Variants in NXN observed in about 807,000 individuals in gnomAD.
The protein encoded by NXN is nucleoredoxin.
NXN carries 16 observed loss-of-function variants against 48.6 expected under a neutral mutation model. The observed-to-expected ratio is 0.33, with a 90% CI of 0.22 to 0.50. The LOEUF (loss-of-function observed/expected upper bound fraction) is 0.50, where lower values mean the gene tolerates loss of function less well. NXN is among the 20% of genes least tolerant of loss of function. The pLI is 0.98. For missense variants in NXN, 492 were observed against 605.5 expected (o/e 0.81, Z 1.97); for synonymous variants, 281 against 269.6 (o/e 1.04, Z -0.41).
At chr17:805,333 C>G in intron 5 of NXN, 86 bp from the exon 6 acceptor site, 1 of 1,416,952 alleles carries the variant, frequency 7.1e-7, no homozygotes, top group Non-Finnish European at 9.4e-7. Context: ...AGCCCGGGGT[C>G]CCCCCGACCG....
intron 1 of NXN, among the ~76,000 whole-genome samples, chr17:850,271 G>A (rs1031062837): frequency 6.6e-6 from 1 of 152,132 alleles, no homozygotes; most frequent in Non-Finnish European, 1.5e-5. Flanking sequence ...CTGGGGAGGA[G>A]ACACCTGCTC....
intron 1 of NXN, among the ~76,000 whole-genome samples, chr17:828,403 CT>C (rs745596555): frequency 3.9e-3 from 349 of 88,860 alleles, no homozygotes; most frequent in Admixed American, 6.1e-3. Context: ...CGTGCCTGGC[CT>C]TTTTTTTTTT....
Position 886,825 on chromosome 17 carries a change from T to C in NXN, c.361-60747A>G, listed in dbSNP as rs73293314. On this transcript the variant is annotated intron_variant, in intron 1 of 7. Coordinates refer to ENST00000336868, the MANE Select transcript of NXN (RefSeq NM_022463.5). ...TAATACCTCTTACTACACTGGATGG[T>C]TTGAATTCCAACCTAAAGCAAAAAG... Among the ~76,000 whole-genome samples the C allele has an allele frequency of 4.3e-3, 654 of 152,110 alleles. 11 individuals carry two copies. The highest frequency in any genetic ancestry group is 0.015 in the African/African-American group (631 of 41,522).
chr17:863,202 ACT>A (rs2068059126), intron 1 of NXN, among the ~76,000 whole-genome samples: 1 of 151,856 alleles, frequency 6.6e-6, no homozygotes, highest in African/African-American at 2.4e-5. Flanking sequence ...ACAGAGTCTC[ACT>A]CTGTCACCTG....
chr17:841,208 A>C (rs1438630011), intron 1 of NXN, among the ~76,000 whole-genome samples: 2 of 152,192 alleles, frequency 1.3e-5, no homozygotes, highest in Admixed American at 6.5e-5. Flanking sequence ...AATACTTCTC[A>C]TGTGGGCCCT....
intron 1 of NXN, among the ~76,000 whole-genome samples, chr17:889,690 A>G (rs2068388455): frequency 7.3e-6 from 1 of 137,556 alleles, no homozygotes; most frequent in Non-Finnish European, 1.5e-5. Context: ...AGAAAAGAAG[A>G]AAGAAAGAAA....
chr17:843,006 GAGAAAGAAAGAA>G (rs781376999), intron 1 of NXN, among the ~76,000 whole-genome samples: 6,084 of 95,528 alleles, frequency 0.064, 216 homozygotes, highest in Middle Eastern at 0.084. Flanking sequence ...GAGAGAAAGA[GAGAAAGAAAGAA>G]AGAAAGAAAG....
At chr17:840,137 A>C (rs1298458136) in intron 1 of NXN, among the ~76,000 whole-genome samples, 1 of 151,546 alleles carries the variant, frequency 6.6e-6, no homozygotes, top group African/African-American at 2.4e-5. Context: ...TACCATTTCT[A>C]CTGGACCATA....
intron 1 of NXN, among the ~76,000 whole-genome samples, chr17:866,113 A>T (rs1272078246): frequency 6.6e-6 from 1 of 152,232 alleles, no homozygotes; most frequent in African/African-American, 2.4e-5. Flanking sequence ...TATATATTCA[A>T]TAGAATACAA....
chr17:895,810 A>AAAC (rs2068477704), intron 1 of NXN, among the ~76,000 whole-genome samples: 7 of 139,766 alleles, frequency 5.0e-5, no homozygotes, highest in Non-Finnish European at 3.1e-5. Flanking sequence ...GTTTGTCTCA[A>AAAC]AAACAAACAA....
At chr17:856,583 C>T (rs763306440) in intron 1 of NXN, among the ~76,000 whole-genome samples, 42 of 151,260 alleles carry the variant, frequency 2.8e-4, no homozygotes, top group Non-Finnish European at 5.7e-4. Flanking sequence ...CTCCGCCTCC[C>T]GGGTTCAAGT....
At position 883,825 on chromosome 17, in the gene NXN, T is replaced by A. The variant is rs936914468; in HGVS notation, c.361-57747A>T. 2.0e-5 allele frequency among the ~76,000 whole-genome samples: 3 copies of A among 152,054 alleles called. No homozygotes were observed. The East Asian group carries it at 5.8e-4, about 29-fold the overall frequency. On this transcript the variant is annotated intron_variant, in intron 1 of 7. Coordinates refer to ENST00000336868, the MANE Select transcript of NXN (RefSeq NM_022463.5). The stretch of plus-strand genomic sequence containing the variant: ...GCGGTGCTTACGCCTGTAATCCCAA[T>A]CAGCGTGGGAGGCCCAGGCAGGCGG...
At position 800,787 on chromosome 17, in the gene NXN, G is replaced by T; in HGVS notation, c.*162C>A. On this transcript the variant is annotated 3_prime_UTR_variant, in exon 8 of 8. Coordinates refer to ENST00000336868, the MANE Select transcript of NXN (RefSeq NM_022463.5). ...GCCGCTGCTGATTCCACACCCCAGGGTGCTGGCTGAGGAGTTTACTGCAGA... is the reference window on the plus strand; with the variant it reads ...GCCGCTGCTGATTCCACACCCCAGGTTGCTGGCTGAGGAGTTTACTGCAGA... 2.3e-6 allele frequency: 1 copy of T among 433,944 alleles called. No individual in the cohort carries two copies. Among genetic ancestry groups the T allele is most frequent in the Non-Finnish European group, 4.0e-6 (1 of 251,730 alleles). 26.9% of individuals were successfully genotyped at this position (433,944 alleles called of 1,614,324 possible). A position where few individuals can be genotyped will look rare whatever the true frequency, so the allele number is the denominator to read the frequency against.
intron 1 of NXN, among the ~76,000 whole-genome samples, chr17:896,349 A>G (rs2068485827): frequency 6.6e-6 from 1 of 150,516 alleles, no homozygotes; most frequent in Non-Finnish European, 1.5e-5. Flanking sequence ...TCAAAAAAAA[A>G]AAAAAAATTA....
chr17:824,539 G>A (rs183286731), intron 2 of NXN, among the ~76,000 whole-genome samples: 97 of 152,314 alleles, frequency 6.4e-4, no homozygotes, highest in African/African-American at 2.2e-3. Flanking sequence ...CATCCCGGCC[G>A]TCACATCCCA....
rs1042951154 is a variant in NXN, at chr17:919,993, C to G, written c.360+59326G>C. The stretch of plus-strand genomic sequence containing the variant: ...TGCCTTCATCACCCATCCAGAGCAA[C>G]TACCCACTTCCACGGCCTCCTCCAT... On this transcript the variant is annotated intron_variant, in intron 1 of 7. Transcript: ENST00000336868. This position sits in a 1 kb window ranked among gnomAD's most constrained non-coding sequence, Gnocchi z 5.1. 6.6e-6 allele frequency among the ~76,000 whole-genome samples: 1 copy of G among 152,150 alleles called. No individual in the cohort carries two copies. Among genetic ancestry groups the G allele is most frequent in the African/African-American group, 2.4e-5 (1 of 41,428 alleles).
intron 1 of NXN, among the ~76,000 whole-genome samples, chr17:867,073 G>A (rs2068102337): frequency 4.0e-5 from 4 of 98,832 alleles, no homozygotes; most frequent in African/African-American, 8.4e-5. Flanking sequence ...GGGGTTCTCC[G>A]GGGAATCCTC....
chr17:842,727 C>A (rs1271984139), intron 1 of NXN, among the ~76,000 whole-genome samples: 2 of 152,256 alleles, frequency 1.3e-5, no homozygotes, highest in Non-Finnish European at 2.9e-5. Context: ...CACCTGAGGT[C>A]AGGAGTTCAA....
At chr17:900,035 G>T (rs2068522742) in intron 1 of NXN, among the ~76,000 whole-genome samples, 1 of 152,210 alleles carries the variant, frequency 6.6e-6, no homozygotes, top group Non-Finnish European at 1.5e-5. Flanking sequence ...GGAGGCCGAG[G>T]CAGGCGGATC....
Sources: allele counts gnomAD v4.1 joint callset (sites outside exome capture counted in the v4.1 genomes callset), GRCh38; gene constraint gnomAD v4.1.1; non-coding constraint Gnocchi (gnomAD v3.1); transcripts MANE v1.5; gene names NCBI Gene and HGNC (gene_info 2026-07-23, HGNC 2026-07-21).